Variants in DDAH1 observed in about 807,000 individuals in gnomAD.
DDAH1 encodes N(G),N(G)-dimethylarginine dimethylaminohydrolase 1.
A neutral mutation model predicts 28.8 loss-of-function variants in DDAH1; 19 were observed. The ratio of observed to expected loss-of-function variants is 0.66; its 90% CI spans 0.46 to 0.97. The LOEUF is 0.97. DDAH1 is among the 50% of genes least tolerant of loss of function. The probability of loss-of-function intolerance (pLI) is 0.00; values close to 1 mark genes in which losing one functional copy is unlikely to be tolerated. For synonymous variants in DDAH1, 153 were observed against 154.4 expected, an observed-to-expected ratio of 0.99 and a Z score of 0.07; for missense variants, 326 against 375.9, an observed-to-expected ratio of 0.87 and a Z score of 1.10.
chr1:85,541,480 C>T (rs1180981463), intron 1 of DDAH1, among the ~76,000 whole-genome samples: 1 of 152,114 alleles, frequency 6.6e-6, no homozygotes, highest in African/African-American at 2.4e-5. Flanking sequence ...TAAAAAAGTA[C>T]TTCTCAGGTA....
chr1:85,534,220 T>C (rs1235391567), intron 1 of DDAH1, among the ~76,000 whole-genome samples: 1 of 152,214 alleles, frequency 6.6e-6, no homozygotes, highest in Non-Finnish European at 1.5e-5. Flanking sequence ...ATGTCTCATG[T>C]AGCATCTCAC....
At chr1:85,323,105 C>G (rs998160613) in intron 5 of DDAH1, among the ~76,000 whole-genome samples, 4 of 152,272 alleles carry the variant, frequency 2.6e-5, no homozygotes, top group Admixed American at 2.0e-4. Context: ...AAAAAATTAT[C>G]TATGTATTCC....
At chr1:85,360,582 T>G (rs1649732637) in intron 1 of DDAH1, among the ~76,000 whole-genome samples, 2 of 152,200 alleles carry the variant, frequency 1.3e-5, no homozygotes, top group African/African-American at 4.8e-5. Context: ...ACTTTTTGTT[T>G]CTATTACTAA....
upstream of DDAH1, among the ~76,000 whole-genome samples, chr1:85,466,882 G>A (rs2100698173): frequency 1.3e-5 from 1 of 75,774 alleles, no homozygotes; most frequent in Middle Eastern, 0.015. Context: ...TTGTTTCCCA[G>A]GCTGGAGTGC....
chr1:85,491,374 T>C (rs1307473026), intron 2 of DDAH1, among the ~76,000 whole-genome samples: 2 of 152,172 alleles, frequency 1.3e-5, no homozygotes, highest in East Asian at 1.9e-4. Flanking sequence ...ACTGATTCAA[T>C]GCAAGTGATT....
intron 1 of DDAH1, among the ~76,000 whole-genome samples, chr1:85,507,279 G>C (rs1181535483): frequency 2.6e-5 from 4 of 152,146 alleles, no homozygotes. Flanking sequence ...CTGATAAGCA[G>C]ATTGCTTCAG....
At chr1:85,403,962 T>G (rs1238979754) in intron 1 of DDAH1, among the ~76,000 whole-genome samples, 2 of 152,226 alleles carry the variant, frequency 1.3e-5, no homozygotes, top group East Asian at 3.8e-4. Flanking sequence ...TTGTTACATT[T>G]TAACAATGTA....
chr1:85,413,846 T>A (rs74414546), intron 1 of DDAH1, among the ~76,000 whole-genome samples: 1 of 152,236 alleles, frequency 6.6e-6, no homozygotes, highest in South Asian at 2.1e-4. Flanking sequence ...AGTAACTGAA[T>A]GTATGAATTT....
chr1:85,521,664 C>T, intron 1 of DDAH1: 1 of 984,666 alleles, frequency 1.0e-6, no homozygotes, highest in South Asian at 4.7e-5. Context: ...ACCAGCTGTG[C>T]TGCCTGGCAA....
chr1:85,440,115 G>T (rs1455692070), intron 1 of DDAH1, among the ~76,000 whole-genome samples: 2 of 152,086 alleles, frequency 1.3e-5, no homozygotes, highest in Admixed American at 6.5e-5. Flanking sequence ...AGCTTATTAA[G>T]ATTTTTTTCT....
intron 1 of DDAH1, among the ~76,000 whole-genome samples, chr1:85,527,247 G>A (rs1162124943): frequency 1.3e-5 from 2 of 152,162 alleles, no homozygotes; most frequent in Admixed American, 6.5e-5. Context: ...ATGGACTCTG[G>A]GTGAGTAAAG....
chr1:85,566,870 A>G (rs565171864), intron 1 of DDAH1, among the ~76,000 whole-genome samples: 1 of 152,252 alleles, frequency 6.6e-6, no homozygotes, highest in South Asian at 2.1e-4. Context: ...ATGGAGGCTG[A>G]CAAGCCCCAG....
At chr1:85,490,930 C>A (rs1412912607) in intron 2 of DDAH1, among the ~76,000 whole-genome samples, 3 of 152,096 alleles carry the variant, frequency 2.0e-5, no homozygotes, top group Admixed American at 6.5e-5. Context: ...GCTCCTTGAG[C>A]CAACTCTACC....
At chr1:85,543,675 G>A (rs1373430189) in intron 1 of DDAH1, among the ~76,000 whole-genome samples, 1 of 152,166 alleles carries the variant, frequency 6.6e-6, no homozygotes, top group Non-Finnish European at 1.5e-5. Context: ...CACCATCTTT[G>A]TACTAGAATA....
chr1:85,417,295 G>A (rs754078417), intron 1 of DDAH1, among the ~76,000 whole-genome samples: 4 of 151,850 alleles, frequency 2.6e-5, no homozygotes, highest in Non-Finnish European at 5.9e-5. Context: ...TCAGTCTACT[G>A]TGCTGGGTGA....
intron 1 of DDAH1, among the ~76,000 whole-genome samples, chr1:85,463,735 GAAAA>G: frequency 6.6e-6 from 1 of 151,504 alleles, no homozygotes; most frequent in Admixed American, 6.6e-5. Flanking sequence ...AGACAAAATA[GAAAA>G]AAAATTCTTA....
intron 2 of DDAH1, among the ~76,000 whole-genome samples, chr1:85,477,813 A>G (rs1332039578): frequency 6.6e-6 from 1 of 152,120 alleles, no homozygotes; most frequent in Non-Finnish European, 1.5e-5. Flanking sequence ...CTCAACCATC[A>G]AATTAGCATA....
At chr1:85,554,276 G>GTTTTTTTTTTTTTTTTT (rs368410411) in intron 1 of DDAH1, among the ~76,000 whole-genome samples, 2 of 110,726 alleles carry the variant, frequency 1.8e-5, no homozygotes, top group African/African-American at 7.2e-5. Context: ...AATTGTAAGA[G>GTTTTTTTTTTTTTTTTT]TTTTTTTTTT....
intron 1 of DDAH1, among the ~76,000 whole-genome samples, chr1:85,410,757 T>G (rs569993996): frequency 1.2e-4 from 18 of 152,242 alleles, no homozygotes; most frequent in Non-Finnish European, 1.5e-5. Context: ...TTTGTAGTAG[T>G]TGGCTTGACC....
Sources: gnomAD v4.1 joint callset for allele counts (sites outside exome capture counted in the v4.1 genomes callset) on GRCh38, gnomAD v4.1.1 for gene constraint, MANE v1.5 for transcripts, NCBI Gene and HGNC (gene_info 2026-07-23, HGNC 2026-07-21) for gene names.